The following OR2T12 variants were observed in gnomAD, a reference collection of about 807,000 sequenced individuals.
OR2T12 encodes olfactory receptor 2T12.
For synonymous variants in OR2T12, 127 were observed against 160.5 expected, an observed-to-expected ratio of 0.79 and a Z score of 1.58; for missense variants, 335 against 404.3, an observed-to-expected ratio of 0.83 and a Z score of 1.47.
intron 2 of OR2T12, among the ~76,000 whole-genome samples, chr1:248,297,119 C>G (rs1385019856): frequency 5.9e-5 from 9 of 152,054 alleles, no homozygotes; most frequent in Non-Finnish European, 1.3e-4. Context: ...GAATCCTCTC[C>G]CCATTGCTTG....
rs1659638395 is a variant in OR2T12 at position 248,291,842 on chromosome 1, C to T, written c.*2774G>A. On this transcript the variant is annotated 3_prime_UTR_variant, in exon 3 of 3. Coordinates refer to ENST00000641276, the MANE Select transcript of OR2T12 (RefSeq NM_001004692.2). ...AAACAAGCAATGGGGAAAGGATTCCCTATTTAATAAATGATGTTGGGAAAA... is the reference window on the plus strand; with the variant it reads ...AAACAAGCAATGGGGAAAGGATTCCTTATTTAATAAATGATGTTGGGAAAA... 6.6e-6 allele frequency: 1 copy of T among 152,092 alleles called. No individual in the cohort carries two copies. The highest frequency in any genetic ancestry group is 2.1e-4 in the South Asian group (1 of 4,822). 9.4% of individuals were successfully genotyped at this position (152,092 alleles called of 1,614,324 possible).
intron 1 of OR2T12, among the ~76,000 whole-genome samples, chr1:248,302,051 AAAG>A (rs1355539354): frequency 1.3e-5 from 2 of 151,942 alleles, no homozygotes; most frequent in Admixed American, 6.6e-5. Context: ...AAAAAAAAAA[AAAG>A]AAGTGAAGCC....
chr1:248,293,894 GC>G lies in OR2T12; in HGVS notation c.*721del, dbSNP rs1659671933. 1.6e-5 allele frequency: 1 copy of G among 62,162 alleles called. No homozygotes were observed. Among genetic ancestry groups the G allele is most frequent in the East Asian group, 7.4e-4 (1 of 1,350 alleles). The allele number at this position is 62,162 out of a possible 1,614,324, so 3.9% of individuals were successfully genotyped here. ...AAATTACATGAATTTAAAAAAGTTT[GC>G]CTTAAAACACCAAATAAAAAGAGAC... On this transcript the variant is annotated 3_prime_UTR_variant, in exon 3 of 3. Coordinates refer to ENST00000641276, the MANE Select transcript of OR2T12 (RefSeq NM_001004692.2).
chr1:248,299,368 A>G (rs1414215286), intron 2 of OR2T12, among the ~76,000 whole-genome samples: 2 of 152,074 alleles, frequency 1.3e-5, no homozygotes, highest in Admixed American at 6.5e-5. Flanking sequence ...AAAACAAAAA[A>G]AGGCAGGGGT....
At position 248,291,773 on chromosome 1, in the gene OR2T12, G is replaced by C. The variant is rs950306878; in HGVS notation, c.*2843C>G. The C allele has an allele frequency of 3.9e-4, 59 of 151,974 alleles. No individual in the cohort carries two copies. Among genetic ancestry groups the C allele is most frequent in the African/African-American group, 1.3e-3 (53 of 41,492 alleles). The allele number at this position is 151,974 out of a possible 1,614,324, so 9.4% of individuals were successfully genotyped here. On this transcript the variant is annotated 3_prime_UTR_variant, in exon 3 of 3. Coordinates refer to ENST00000641276, the MANE Select transcript of OR2T12 (RefSeq NM_001004692.2). ...ACCAATAAACAGAACAGAGGCCTCA[G>C]AATTCATGCCATACAACCATCTCTT...
In OR2T12 at chr1:248,290,383, G is replaced by A. The variant is rs564644761; in HGVS notation, c.*4233C>T. 2 of 152,250 alleles carry A rather than the reference G, an allele frequency of 1.3e-5. No homozygotes were observed. The highest frequency in any genetic ancestry group is 2.1e-4 in the South Asian group (1 of 4,824). 9.4% of individuals were successfully genotyped at this position (152,250 alleles called of 1,614,324 possible). ...CCAGTTTCATCCATGTCCCTGCAAA[G>A]GACATAAACTCATCCTTTCCAATGG... On this transcript the variant is annotated 3_prime_UTR_variant, in exon 3 of 3. Coordinates refer to ENST00000641276, the MANE Select transcript of OR2T12 (RefSeq NM_001004692.2).
At chr1:248,303,043 G>T (rs766970829) in intron 1 of OR2T12, among the ~76,000 whole-genome samples, 1 of 152,058 alleles carries the variant, frequency 6.6e-6, no homozygotes, top group East Asian at 1.9e-4. Flanking sequence ...CATCTGCTAC[G>T]TTTCTCCTCT....
chr1:248,298,850 C>T (rs182668526), intron 2 of OR2T12, among the ~76,000 whole-genome samples: 1 of 151,670 alleles, frequency 6.6e-6, no homozygotes, highest in South Asian at 2.1e-4. Context: ...CCTCTATTTC[C>T]TTCAGTTCTG....
chr1:248,299,563 T>A (rs954689164), intron 2 of OR2T12, among the ~76,000 whole-genome samples: 7 of 152,038 alleles, frequency 4.6e-5, no homozygotes, highest in African/African-American at 1.7e-4. Context: ...ACAAACAGAC[T>A]TAGACTCCCA....
chr1:248,300,186 A>G (rs891734287), intron 2 of OR2T12, among the ~76,000 whole-genome samples: 2 of 152,196 alleles, frequency 1.3e-5, no homozygotes, highest in African/African-American at 4.8e-5. Context: ...AAGCAAACAG[A>G]TAGTTCCTAT....
In OR2T12 at chr1:248,294,500, A is replaced by G. The variant is rs1370889519; in HGVS notation, c.*116T>C. On this transcript the variant is annotated 3_prime_UTR_variant, in exon 3 of 3. Transcript: ENST00000641276. ...ATTGGCTCACTTCATTCTTAAAAATATCTTATTATATCAATACACAAACTT... is the reference window on the plus strand; with the variant it reads ...ATTGGCTCACTTCATTCTTAAAAATGTCTTATTATATCAATACACAAACTT... 7.4e-7 allele frequency: 1 copy of G among 1,342,484 alleles called. No homozygotes were observed. The highest frequency in any genetic ancestry group is 1.0e-6 in the Non-Finnish European group (1 of 981,226). The allele number at this position is 1,342,484 out of a possible 1,614,324, so 83.2% of individuals were successfully genotyped here.
intron 2 of OR2T12, among the ~76,000 whole-genome samples, chr1:248,300,777 A>T (rs1209765233): frequency 6.6e-6 from 1 of 152,038 alleles, no homozygotes; most frequent in African/African-American, 2.4e-5. Context: ...GAGTCTTGCT[A>T]TGAGCTTCCT....
At chr1:248,298,818 AT>A (rs1659772560) in intron 2 of OR2T12, among the ~76,000 whole-genome samples, 2 of 151,234 alleles carry the variant, frequency 1.3e-5, no homozygotes, top group Admixed American at 1.3e-4. Flanking sequence ...GGATTCATTA[AT>A]TTTTTGAAGG....
chr1:248,302,243 C>A (rs146256102), intron 1 of OR2T12, among the ~76,000 whole-genome samples: 1 of 152,026 alleles, frequency 6.6e-6, no homozygotes, highest in Non-Finnish European at 1.5e-5. Flanking sequence ...AAAATGCAAC[C>A]TGCATATGCA....
intron 2 of OR2T12, among the ~76,000 whole-genome samples, chr1:248,296,822 T>C (rs924912080): frequency 1.3e-5 from 2 of 152,084 alleles, no homozygotes; most frequent in Non-Finnish European, 2.9e-5. Flanking sequence ...ACTCTGATGG[T>C]AGTTTCTTTT....
chr1:248,298,094 A>G (rs922798290), intron 2 of OR2T12, among the ~76,000 whole-genome samples: 2 of 152,120 alleles, frequency 1.3e-5, no homozygotes. Context: ...CCTTTTCTGC[A>G]TCTATTGACA....
At chr1:248,297,617 T>C (rs1220837175) in intron 2 of OR2T12, among the ~76,000 whole-genome samples, 1 of 152,196 alleles carries the variant, frequency 6.6e-6, no homozygotes, top group Non-Finnish European at 1.5e-5. Context: ...TTTGAAGCAA[T>C]TGTGAATGGG....
chr1:248,298,951 G>A (rs1282124614), intron 2 of OR2T12, among the ~76,000 whole-genome samples: 1 of 152,064 alleles, frequency 6.6e-6, no homozygotes, highest in Non-Finnish European at 1.5e-5. Flanking sequence ...CATAAGTGAA[G>A]GAGAAATAAA....
chr1:248,303,381 T>C lies in OR2T12; in HGVS notation c.-225A>G, dbSNP rs1425117419. ...TGATCTGAATAGTGTATATTTTCAA[T>C]GAGATTGTAGTTTCCTAAAAAGGCA... On this transcript the variant is annotated 5_prime_UTR_variant, in exon 1 of 3. Coordinates refer to ENST00000641276, the MANE Select transcript of OR2T12 (RefSeq NM_001004692.2). 1 of 152,182 alleles carries C rather than the reference T, an allele frequency of 6.6e-6. No homozygotes were observed. The highest frequency in any genetic ancestry group is 1.5e-5 in the Non-Finnish European group (1 of 68,004). 9.4% of individuals were successfully genotyped at this position (152,182 alleles called of 1,614,324 possible).
Sources: allele counts gnomAD v4.1 joint callset (sites outside exome capture counted in the v4.1 genomes callset), GRCh38; gene constraint gnomAD v4.1.1; transcripts MANE v1.5; gene names NCBI Gene and HGNC (gene_info 2026-07-23, HGNC 2026-07-21).